Variants in EPB41L1 observed in about 807,000 individuals in gnomAD.
EPB41L1 encodes the protein erythrocyte membrane protein band 4.1 like 1.
In EPB41L1, 29 loss-of-function variants were observed where a neutral mutation model predicts 97.8. That is an observed-to-expected ratio of 0.30 (90% CI 0.22 to 0.40). The LOEUF is 0.40. EPB41L1 is among the 10% of genes least tolerant of loss of function. EPB41L1 has a pLI of 1.00. For missense variants in EPB41L1, 812 were observed against 1,162.3 expected (o/e 0.70, Z 4.38); for synonymous variants, 383 against 459.2 (o/e 0.83, Z 2.12).
chr20:36,201,090 G>A, intron 14 of EPB41L1: 2 of 397,606 alleles, frequency 5.0e-6, no homozygotes, highest in Non-Finnish European at 1.0e-5. Context: ...ATTCTGCCAA[G>A]CAGTTGGAAG....
rs1160019231 is a variant in EPB41L1 at position 36,206,369 on chromosome 20, C to T, written c.1669-3119C>T. On this transcript the variant is annotated intron_variant, in intron 14 of 21. Coordinates refer to ENST00000338074, the MANE Select transcript of EPB41L1 (RefSeq NM_012156.2). This position sits in a 1 kb window ranked among gnomAD's most constrained non-coding sequence, Gnocchi z 5.5. ...GAGGTGGACGTCCTCTCTCCAGCCTCCGACAAGGGAGGACTCCAGTCGTTT... is the reference window on the plus strand; with the variant it reads ...GAGGTGGACGTCCTCTCTCCAGCCTTCGACAAGGGAGGACTCCAGTCGTTT... The T allele has an allele frequency of 7.8e-7, 1 of 1,289,814 alleles. No homozygotes were observed. Among genetic ancestry groups the T allele is most frequent in the Non-Finnish European group, 1.0e-6 (1 of 988,892 alleles). 79.9% of individuals were successfully genotyped at this position (1,289,814 alleles called of 1,614,324 possible). A position where few individuals can be genotyped will look rare whatever the true frequency, so the allele number is the denominator to read the frequency against.
intron 14 of EPB41L1, among the ~76,000 whole-genome samples, chr20:36,202,948 C>G (rs1056235097): frequency 6.6e-6 from 1 of 152,130 alleles, no homozygotes; most frequent in Non-Finnish European, 1.5e-5. Context: ...GCTGTGAGCC[C>G]AACTGGCTCT....
chr20:36,173,246 T>C (rs1442105872), intron 1 of EPB41L1, among the ~76,000 whole-genome samples: 1 of 152,216 alleles, frequency 6.6e-6, no homozygotes, highest in East Asian at 1.9e-4. Context: ...TTTGGATCTA[T>C]TCTGTGAAGT....
At chr20:36,168,383 T>C (rs1387785849) in intron 1 of EPB41L1, among the ~76,000 whole-genome samples, 1 of 152,222 alleles carries the variant, frequency 6.6e-6, no homozygotes, top group Non-Finnish European at 1.5e-5. Flanking sequence ...CTGGCCTCTG[T>C]CTGTTAGAAA....
chr20:36,197,962 G>A lies in EPB41L1; in HGVS notation c.1589G>A (p.Arg530Gln), dbSNP rs1398977316. 4.3e-6 allele frequency: 7 copies of A among 1,614,030 alleles called. No individual in the cohort carries two copies. The highest frequency in any genetic ancestry group is 2.7e-5 in the African/African-American group (2 of 74,904). ...EPNSKLIHRD[R>Q]DWERERRLPS... ...AACAGCAAACTCATCCACCGGGATC[G>A]AGACTGGGAACGGGAGCGCAGGCTG... The change falls in exon 14 of 22, where the codon CGA becomes CAA. Residue 530 changes from arginine (R) to glutamine (Q), a missense_variant. Transcript: ENST00000338074.
chr20:36,173,782 C>A lies in EPB41L1; in HGVS notation c.5C>A (p.Thr2Lys), dbSNP rs1209270465. The part of the protein sequence containing the change: M[T>K]TETGPDSEVK... ...AATGCAGGCGTGCTGGTCACCATGA[C>A]AACAGAGACAGGCCCCGACTCTGAG... The change falls in exon 2 of 22, where the codon ACA becomes AAA. Residue 2 changes from threonine to lysine, a missense_variant. Physicochemically the swap from Thr to Lys is moderately conservative, Grantham distance 78. Transcript: ENST00000338074. 1 of 1,614,148 alleles carries A rather than the reference C, an allele frequency of 6.2e-7. No homozygotes were observed. The highest frequency in any genetic ancestry group is 2.2e-5 in the East Asian group (1 of 44,872).
intron 14 of EPB41L1, chr20:36,205,949 G>T: frequency 1.6e-6 from 2 of 1,289,888 alleles, no homozygotes; most frequent in Non-Finnish European, 2.0e-6. Flanking sequence ...AGGCAGGCAG[G>T]CCTTGCTGGT....
intron 21 of EPB41L1, among the ~76,000 whole-genome samples, chr20:36,228,818 A>T (rs928895266): frequency 6.6e-6 from 1 of 152,196 alleles, no homozygotes; most frequent in Non-Finnish European, 1.5e-5. Context: ...AAATGAAAAA[A>T]GAACATCTGC....
chr20:36,206,897 G>A lies in EPB41L1; in HGVS notation c.1669-2591G>A, dbSNP rs181468195. The A allele has an allele frequency of 7.8e-7, 1 of 1,289,918 alleles. No homozygotes were observed. The highest frequency in any genetic ancestry group is 2.3e-5 in the Admixed American group (1 of 43,574). 79.9% of individuals were successfully genotyped at this position (1,289,918 alleles called of 1,614,324 possible). A position where few individuals can be genotyped will look rare whatever the true frequency, so the allele number is the denominator to read the frequency against. ...AAGCACCCTCCTCACAGAGGACAGG[G>A]CGTGCATCCCGACCCCCAGGCCTGC... On this transcript the variant is annotated intron_variant, in intron 14 of 21. Coordinates refer to ENST00000338074, the MANE Select transcript of EPB41L1 (RefSeq NM_012156.2). This position sits in a 1 kb window ranked among gnomAD's most constrained non-coding sequence, Gnocchi z 5.5.
intron 9 of EPB41L1, among the ~76,000 whole-genome samples, chr20:36,188,761 C>T (rs555243573): frequency 4.5e-4 from 69 of 151,666 alleles, no homozygotes; most frequent in Admixed American, 2.8e-3. Flanking sequence ...AGGTGGATCA[C>T]ATGAGGTCAG....
In EPB41L1 at chr20:36,206,271, G is replaced by A; in HGVS notation, c.1669-3217G>A. ...TGTCAGATGGTCAGCCGGAGGGCCA[G>A]ACAGAGCTGAGGAAGGGGCTGGAGG... On this transcript the variant is annotated intron_variant, in intron 14 of 21. Transcript: ENST00000338074. This position sits in a 1 kb window ranked among gnomAD's most constrained non-coding sequence, Gnocchi z 5.5. 7.8e-7 allele frequency: 1 copy of A among 1,289,950 alleles called. No individual in the cohort carries two copies. The allele number at this position is 1,289,950 out of a possible 1,614,324, so 79.9% of individuals were successfully genotyped here. A position where few individuals can be genotyped will look rare whatever the true frequency, so the allele number is the denominator to read the frequency against.
chr20:36,130,842 T>A lies in EPB41L1; in HGVS notation c.-10+18362T>A, dbSNP rs1466031974. On this transcript the variant is annotated intron_variant, in intron 2 of 19. Coordinates refer to the EPB41L1 transcript ENST00000202028. ...TTTTTTCCCCGAGACAGAGTTTTGCTCTTGTTGCCCAGGCTGGAGTACAGT... is the reference window on the plus strand; with the variant it reads ...TTTTTTCCCCGAGACAGAGTTTTGCACTTGTTGCCCAGGCTGGAGTACAGT... Among the ~76,000 whole-genome samples the A allele has an allele frequency of 2.0e-5, 3 of 151,812 alleles. No individual in the cohort carries two copies. The East Asian group carries it at 5.8e-4, about 29-fold the overall frequency.
In EPB41L1 at chr20:36,231,441, G is replaced by A. The variant is rs1049069820; in HGVS notation, c.*2101G>A. On this transcript the variant is annotated 3_prime_UTR_variant, in exon 22 of 22. Transcript: ENST00000338074. Reference sequence around the variant, plus strand: ...TCAGGCTGAAGAAGGTGGGAGGGGAGGGCGGAACCTGAGGAGCCACCTGAG... The same window carrying A: ...TCAGGCTGAAGAAGGTGGGAGGGGAAGGCGGAACCTGAGGAGCCACCTGAG... 21 of 152,294 alleles carry A rather than the reference G, an allele frequency of 1.4e-4. No individual in the cohort carries two copies. Among genetic ancestry groups the A allele is most frequent in the African/African-American group, 5.1e-4 (21 of 41,472 alleles). 9.4% of individuals were successfully genotyped at this position (152,294 alleles called of 1,614,324 possible). A position where few individuals can be genotyped will look rare whatever the true frequency, so the allele number is the denominator to read the frequency against.
At chr20:36,179,915 C>T (rs2061409885) in intron 5 of EPB41L1, among the ~76,000 whole-genome samples, 1 of 152,194 alleles carries the variant, frequency 6.6e-6, no homozygotes, top group African/African-American at 2.4e-5. Flanking sequence ...CCCCCAGGAG[C>T]CCCAGCCTGG....
intron 14 of EPB41L1, chr20:36,205,750 C>T: frequency 8.7e-7 from 1 of 1,149,484 alleles, no homozygotes; most frequent in Non-Finnish European, 1.1e-6. Context: ...TCAAACATTT[C>T]AGTGGTAGAT....
chr20:36,206,038 G>C lies in EPB41L1; in HGVS notation c.1669-3450G>C, dbSNP rs1276416334. 1 of 1,289,890 alleles carries C rather than the reference G, an allele frequency of 7.8e-7. No individual in the cohort carries two copies. The highest frequency in any genetic ancestry group is 1.0e-6 in the Non-Finnish European group (1 of 988,896). 79.9% of individuals were successfully genotyped at this position (1,289,890 alleles called of 1,614,324 possible). On this transcript the variant is annotated intron_variant, in intron 14 of 21. Transcript: ENST00000338074. The surrounding 1 kb of genome is among the most constrained non-coding windows in gnomAD (Gnocchi z 5.5). ...AGTGGAAGTGGCCACAGAAGAAATG[G>C]TGGGAAACAGAAGAGCAAACACCCA... is the stretch of plus-strand genomic sequence containing the variant.
intron 13 of EPB41L1, among the ~76,000 whole-genome samples, chr20:36,197,374 G>T (rs2062256896): frequency 6.6e-6 from 1 of 152,214 alleles, no homozygotes; most frequent in African/African-American, 2.4e-5. Flanking sequence ...GTGGACACTG[G>T]GATCCAGGAG....
At chr20:36,208,856 C>G (rs1323790932) in intron 14 of EPB41L1, among the ~76,000 whole-genome samples, 1 of 152,200 alleles carries the variant, frequency 6.6e-6, no homozygotes, top group Non-Finnish European at 1.5e-5. Context: ...GTGGTCCACT[C>G]ATGGAGCCCA....
chr20:36,200,450 C>T (rs1324340678), intron 14 of EPB41L1, among the ~76,000 whole-genome samples: 1 of 151,280 alleles, frequency 6.6e-6, no homozygotes, highest in Admixed American at 6.6e-5. Context: ...ACAGAGGGAA[C>T]TCTAACTGTT....
Sources: allele counts gnomAD v4.1 joint callset (sites outside exome capture counted in the v4.1 genomes callset), GRCh38; gene constraint gnomAD v4.1.1; non-coding constraint Gnocchi (gnomAD v3.1); transcripts MANE v1.5; gene names NCBI Gene and HGNC (gene_info 2026-07-23, HGNC 2026-07-21).